TMEM220: variants seen among roughly 807,000 people sequenced by gnomAD.
The protein encoded by TMEM220 is transmembrane protein 220.
A neutral mutation model predicts 21.7 loss-of-function variants in TMEM220; 21 were observed. The ratio of observed to expected loss-of-function variants is 0.97; its 90% CI spans 0.69 to 1.39. TMEM220 has a LOEUF of 1.39. Ranked by LOEUF, TMEM220 falls within the 40% of genes most tolerant of loss-of-function variation. The probability of loss-of-function intolerance (pLI) is 0.00; values close to 1 mark genes in which losing one functional copy is unlikely to be tolerated. For synonymous variants in TMEM220, 80 were observed against 73.6 expected, an observed-to-expected ratio of 1.09 and a Z score of -0.45; for missense variants, 191 against 201.9, an observed-to-expected ratio of 0.95 and a Z score of 0.33.
rs562706014 is a variant in TMEM220 at position 10,721,518 on chromosome 17, T to C, written c.347+1752A>G. On this transcript the variant is annotated intron_variant, in intron 5 of 5. Transcript: ENST00000341871. ...TACTTGGGAGGCTGACGCAGGAGAA[T>C]TGCTTGAACCCGGGAGGCAGAGGTT... Among the ~76,000 whole-genome samples the C allele has an allele frequency of 3.1e-4, 45 of 146,702 alleles. No individual in the cohort carries two copies. The East Asian group carries it at 8.1e-3, about 26-fold the overall frequency.
intron 5 of TMEM220, among the ~76,000 whole-genome samples, chr17:10,719,562 G>C (rs1328872034): frequency 6.6e-6 from 1 of 152,154 alleles, no homozygotes; most frequent in Non-Finnish European, 1.5e-5. Flanking sequence ...ACCGCATCCG[G>C]CCTACATCAG....
Position 10,715,059 on chromosome 17 carries a change from AC to A in TMEM220, c.*393del, listed in dbSNP as rs537940292. 396 of 164,540 alleles carry A rather than the reference AC, an allele frequency of 2.4e-3. 4 individuals carry two copies. Among genetic ancestry groups the A allele is most frequent in the African/African-American group, 8.7e-3 (362 of 41,622 alleles). 10.2% of individuals were successfully genotyped at this position (164,540 alleles called of 1,614,324 possible). On this transcript the variant is annotated 3_prime_UTR_variant, in exon 6 of 6. Transcript: ENST00000341871. ...CACTTTATATCTTCAGAGTGTTCTT[AC>A]ATTATCTAGATTGATCCTTGTTACT...
chr17:10,715,941 A>T (rs1055101728), intron 5 of TMEM220: 7 of 355,922 alleles, frequency 2.0e-5, no homozygotes, highest in African/African-American at 2.1e-5. Flanking sequence ...TGCTTTTTTT[A>T]AATTTTATCA....
At chr17:10,723,660 A>G (rs1443356362) in intron 4 of TMEM220, among the ~76,000 whole-genome samples, 1 of 152,212 alleles carries the variant, frequency 6.6e-6, no homozygotes, top group African/African-American at 2.4e-5. Context: ...GGTCGCTAGA[A>G]GAAACAGTGC....
At chr17:10,716,270 G>C (rs1253928304) in intron 5 of TMEM220, 3 of 711,424 alleles carry the variant, frequency 4.2e-6, no homozygotes, top group Admixed American at 1.8e-5. Flanking sequence ...CGGCCCTCTC[G>C]GTTGGGAGGA....
downstream of TMEM220, among the ~76,000 whole-genome samples, chr17:10,712,481 G>A (rs953097094): frequency 6.6e-6 from 1 of 152,174 alleles, no homozygotes; most frequent in Non-Finnish European, 1.5e-5. Context: ...TGACCACAGA[G>A]GTGACTATAA....
At position 10,713,996 on chromosome 17, in the gene TMEM220, G is replaced by C. The variant is rs1275691601; in HGVS notation, c.*1457C>G. 6.6e-6 allele frequency: 1 copy of C among 152,096 alleles called. No homozygotes were observed. Among genetic ancestry groups the C allele is most frequent in the Admixed American group, 6.5e-5 (1 of 15,272 alleles). 9.4% of individuals were successfully genotyped at this position (152,096 alleles called of 1,614,324 possible). On this transcript the variant is annotated 3_prime_UTR_variant, in exon 6 of 6. Transcript: ENST00000341871. ...TATCTGACCACAGAGTTTGATGCTT[G>C]TGTATGTAAAATGTTGCCATCTAGA...
intron 5 of TMEM220, among the ~76,000 whole-genome samples, chr17:10,717,902 C>G (rs2074941721): frequency 6.6e-6 from 1 of 151,896 alleles, no homozygotes; most frequent in Admixed American, 6.6e-5. Context: ...CTCATCGCAA[C>G]CTCTGCCTCC....
chr17:10,718,613 C>CA (rs1223914320), intron 5 of TMEM220, among the ~76,000 whole-genome samples: 5 of 152,076 alleles, frequency 3.3e-5, no homozygotes, highest in African/African-American at 1.2e-4. Flanking sequence ...AGCTGCATCT[C>CA]ACACATTTTG....
In TMEM220 at chr17:10,724,911, GAATT is replaced by G. The variant is rs1434460388; in HGVS notation, c.287+96_287+99del. 14 of 1,504,100 alleles carry G rather than the reference GAATT, an allele frequency of 9.3e-6. No homozygotes were observed. In the African/African-American group the frequency reaches 1.8e-4, roughly 19 times the overall value. The allele number at this position is 1,504,100 out of a possible 1,614,324, so 93.2% of individuals were successfully genotyped here. A position where few individuals can be genotyped will look rare whatever the true frequency, so the allele number is the denominator to read the frequency against. On this transcript the variant is annotated intron_variant, in intron 4 of 5. Coordinates refer to ENST00000341871, the MANE Select transcript of TMEM220 (RefSeq NM_001004313.3). ...GCCTCCTCCACAGGGTACACTGGGG[GAATT>G]CAGTTATCATTGTGCACAGATGAGG...
chr17:10,721,622 A>AAC (rs1567586215), intron 5 of TMEM220, among the ~76,000 whole-genome samples: 4 of 145,052 alleles, frequency 2.8e-5, no homozygotes, highest in African/African-American at 1.1e-4. Context: ...AAAAAAAAGA[A>AAC]AAAAAGAAAA....
At chr17:10,729,469 GT>G (rs985332420) in intron 1 of TMEM220, among the ~76,000 whole-genome samples, 2 of 152,322 alleles carry the variant, frequency 1.3e-5, no homozygotes, top group African/African-American at 4.8e-5. Context: ...GATATGTTCA[GT>G]GTCGTCCGCG....
At position 10,715,516 on chromosome 17, in the gene TMEM220, G is replaced by T. The variant is rs771927296; in HGVS notation, c.420C>A (p.Val140=). 9.3e-6 allele frequency: 15 copies of T among 1,605,478 alleles called. No individual in the cohort carries two copies. The highest frequency in any genetic ancestry group is 1.2e-5 in the Non-Finnish European group (14 of 1,177,794). Residue 140 remains valine, a synonymous_variant, in exon 6 of 6, where the codon GTC becomes GTA. Coordinates refer to ENST00000341871, the MANE Select transcript of TMEM220 (RefSeq NM_001004313.3). ...VITLFPFISW[V]YIYINKEMRS... is the part of the protein sequence containing the mutation. ...GCATTTCCTTGTTAATATATATGTA[G>T]ACCCATGAGATAAATGGGAAAAGTG... is the stretch of plus-strand genomic sequence containing the variant.
Position 10,729,843 on chromosome 17 carries a change from T to G in TMEM220, c.9A>C (p.Pro3=). The G allele has an allele frequency of 7.3e-7, 1 of 1,361,360 alleles. No individual in the cohort carries two copies. Among genetic ancestry groups the G allele is most frequent in the South Asian group, 1.7e-5 (1 of 59,506 alleles). The allele number at this position is 1,361,360 out of a possible 1,614,324, so 84.3% of individuals were successfully genotyped here. Residue 3 remains proline, a synonymous_variant, in exon 1 of 6, where the codon CCA becomes CCC. Transcript: ENST00000341871. The part of the protein sequence containing the change: MA[P]ALWRACNGLM... ...GTCCGTTGCAGGCCCGCCACAGCGCTGGCGCCATGGCTCGGAGAACACGGC... is the reference window on the plus strand; with the variant it reads ...GTCCGTTGCAGGCCCGCCACAGCGCGGGCGCCATGGCTCGGAGAACACGGC...
chr17:10,712,283 T>TAC (rs1196987571), downstream of TMEM220, among the ~76,000 whole-genome samples: 2 of 152,246 alleles, frequency 1.3e-5, no homozygotes, highest in African/African-American at 2.4e-5. Flanking sequence ...CTCTGCTGTC[T>TAC]GTAGTCAGAT....
At chr17:10,716,478 C>G (rs1212322664) in intron 5 of TMEM220, 2 of 674,712 alleles carry the variant, frequency 3.0e-6, no homozygotes, top group Non-Finnish European at 5.5e-6. Context: ...GCCCTTGTGC[C>G]CCACGTAGTA....
chr17:10,719,920 G>A (rs949216297), intron 5 of TMEM220, among the ~76,000 whole-genome samples: 8 of 152,112 alleles, frequency 5.3e-5, no homozygotes, highest in African/African-American at 1.9e-4. Context: ...GATAGACCAA[G>A]ATTTTTATAG....
chr17:10,724,936 T>C, intron 4 of TMEM220, 75 bp downstream of exon 4: 1 of 1,581,216 alleles, frequency 6.3e-7, no homozygotes, highest in Non-Finnish European at 8.7e-7. Context: ...TGTGCACAGA[T>C]GAGGTGTTGC....
intron 5 of TMEM220, among the ~76,000 whole-genome samples, chr17:10,722,938 T>A (rs1229470062): frequency 6.6e-6 from 1 of 152,032 alleles, no homozygotes; most frequent in East Asian, 1.9e-4. Flanking sequence ...TGTATGGCAG[T>A]ATTTTCACTT....
Sources: allele counts gnomAD v4.1 joint callset (sites outside exome capture counted in the v4.1 genomes callset), GRCh38; gene constraint gnomAD v4.1.1; transcripts MANE v1.5; gene names NCBI Gene and HGNC (gene_info 2026-07-23, HGNC 2026-07-21).